The following ZNF407 variants were observed in gnomAD, a reference collection of about 807,000 sequenced individuals.
The protein encoded by ZNF407 is zinc finger protein 407.
A neutral mutation model predicts 131.2 loss-of-function variants in ZNF407; 17 were observed. That is an observed-to-expected ratio of 0.13 (90% CI 0.09 to 0.19). ZNF407 has a LOEUF of 0.19. Among genes scored for constraint, ZNF407 ranks in the 10% least tolerant of loss-of-function variants. ZNF407 has a pLI of 1.00. For missense variants in ZNF407, 2,681 were observed against 2,830.6 expected, an observed-to-expected ratio of 0.95 and a Z score of 1.20; for synonymous variants, 1,156 against 1,062.0, an observed-to-expected ratio of 1.09 and a Z score of -1.72.
At chr18:74,646,378 A>AT (rs1371495467) in intron 3 of ZNF407, among the ~76,000 whole-genome samples, 1 of 152,252 alleles carries the variant, frequency 6.6e-6, no homozygotes, top group Non-Finnish European at 1.5e-5. Context: ...AATTATGCTT[A>AT]TAACAGTATA....
intron 3 of ZNF407, among the ~76,000 whole-genome samples, chr18:74,712,342 A>G (rs7241270): frequency 0.78 from 118,050 of 152,208 alleles, 46,086 homozygotes; most frequent in East Asian, 0.89. Flanking sequence ...CAATATGTGT[A>G]TATGTGCTTA....
intron 4 of ZNF407, among the ~76,000 whole-genome samples, chr18:74,802,992 T>C (rs1315855074): frequency 1.3e-5 from 2 of 152,092 alleles, no homozygotes; most frequent in Non-Finnish European, 2.9e-5. Context: ...CCATATAGAA[T>C]TCAAAAGTTA....
chr18:74,686,067 G>A (rs565387374), intron 3 of ZNF407, among the ~76,000 whole-genome samples: 35 of 152,294 alleles, frequency 2.3e-4, no homozygotes, highest in Non-Finnish European at 3.5e-4. Context: ...TTACATATAG[G>A]TATGGCTTCC....
chr18:74,797,754 C>G (rs889606670), intron 4 of ZNF407, among the ~76,000 whole-genome samples: 5 of 151,784 alleles, frequency 3.3e-5, no homozygotes, highest in African/African-American at 1.2e-4. Context: ...CTGAAAAGCC[C>G]AGGCTGCTAT....
intron 8 of ZNF407, among the ~76,000 whole-genome samples, chr18:74,940,994 C>A (rs549634313): frequency 6.6e-6 from 1 of 152,156 alleles, no homozygotes; most frequent in Non-Finnish European, 1.5e-5. Flanking sequence ...CAGACATCCC[C>A]TTTGTTAGCT....
At chr18:74,967,075 A>G (rs1171121024) in intron 8 of ZNF407, among the ~76,000 whole-genome samples, 1 of 152,184 alleles carries the variant, frequency 6.6e-6, no homozygotes, top group Non-Finnish European at 1.5e-5. Context: ...AGCCTGGGCA[A>G]CATAGGGAAA....
chr18:74,687,680 T>C (rs1052061877), intron 3 of ZNF407, among the ~76,000 whole-genome samples: 12 of 152,206 alleles, frequency 7.9e-5, no homozygotes, highest in African/African-American at 2.9e-4. Context: ...AAATTAGTGC[T>C]AATGGTCAGC....
At chr18:74,979,065 A>C (rs1972558881) in intron 8 of ZNF407, among the ~76,000 whole-genome samples, 1 of 152,116 alleles carries the variant, frequency 6.6e-6, no homozygotes, top group Non-Finnish European at 1.5e-5. Flanking sequence ...ACTGCTTTTG[A>C]ACCTTCTCCA....
At chr18:74,772,677 A>G (rs1969386087) in intron 3 of ZNF407, among the ~76,000 whole-genome samples, 1 of 152,140 alleles carries the variant, frequency 6.6e-6, no homozygotes, top group South Asian at 2.1e-4. Context: ...ACTGTTGAAG[A>G]CTATTATTTG....
chr18:74,901,820 T>G (rs1473922106), intron 7 of ZNF407, among the ~76,000 whole-genome samples: 3 of 152,346 alleles, frequency 2.0e-5, no homozygotes, highest in Non-Finnish European at 2.9e-5. Context: ...TATTATTACC[T>G]TCCTTGCATC....
chr18:74,709,358 A>G (rs1405819987), intron 3 of ZNF407, among the ~76,000 whole-genome samples: 1 of 152,202 alleles, frequency 6.6e-6, no homozygotes, highest in African/African-American at 2.4e-5. Flanking sequence ...TTAAAAATCC[A>G]TAATGTATCT....
intron 4 of ZNF407, among the ~76,000 whole-genome samples, chr18:74,857,740 C>T (rs1458695111): frequency 6.6e-6 from 1 of 151,992 alleles, no homozygotes; most frequent in Non-Finnish European, 1.5e-5. Flanking sequence ...TAATGAAGTA[C>T]TGAGTACTTG....
At chr18:75,024,288 T>TA (rs1973145999) in intron 8 of ZNF407, among the ~76,000 whole-genome samples, 1 of 152,214 alleles carries the variant, frequency 6.6e-6, no homozygotes, top group East Asian at 1.9e-4. Context: ...CTGATTAACT[T>TA]ACTCGCAGAT....
At chr18:75,012,129 G>A (rs1347969578) in intron 8 of ZNF407, among the ~76,000 whole-genome samples, 1 of 152,152 alleles carries the variant, frequency 6.6e-6, no homozygotes, top group Non-Finnish European at 1.5e-5. Flanking sequence ...CAGTTGAGCT[G>A]TCACATTGTA....
At chr18:74,690,422 C>A (rs1967192973) in intron 3 of ZNF407, among the ~76,000 whole-genome samples, 1 of 149,624 alleles carries the variant, frequency 6.7e-6, no homozygotes, top group Admixed American at 6.8e-5. Context: ...TGTCATCCAG[C>A]TGGATTAGTT....
chr18:74,899,266 G>A (rs553596972), intron 7 of ZNF407, among the ~76,000 whole-genome samples: 28 of 152,328 alleles, frequency 1.8e-4, no homozygotes, highest in African/African-American at 6.7e-4. Flanking sequence ...CCATTTAAAA[G>A]ACAATTGCAA....
rs781731005 is a variant in ZNF407, at chr18:74,634,875, G to A, written c.3856G>A (p.Ala1286Thr). Reference protein sequence around the residue: ...NLESGGQNRVARGHGLEDLKG... With the variant: ...NLESGGQNRVTRGHGLEDLKG... Reference sequence around the variant, plus strand: ...GGAGAGCGGGGGTCAGAACAGAGTTGCACGTGGGCATGGTTTGGAAGACTT... The same window carrying A: ...GGAGAGCGGGGGTCAGAACAGAGTTACACGTGGGCATGGTTTGGAAGACTT... The change falls in exon 2 of 9, where the codon GCA (alanine) becomes ACA (threonine). Residue 1286 changes from alanine to threonine, a missense_variant. By Grantham distance (58) the Ala-to-Thr change is moderately conservative (BLOSUM62 0). Around this residue, in one of 6 missense-constraint regions of ZNF407, gnomAD observed 1,789 missense variants for 1,748.7 expected, o/e 1.02. Transcript: ENST00000299687. 6.2e-7 allele frequency: 1 copy of A among 1,613,548 alleles called. No homozygotes were observed. The highest frequency in any genetic ancestry group is 1.1e-5 in the South Asian group (1 of 91,034).
At chr18:74,697,085 C>G (rs1220576306) in intron 3 of ZNF407, among the ~76,000 whole-genome samples, 4 of 152,172 alleles carry the variant, frequency 2.6e-5, no homozygotes, top group Admixed American at 2.6e-4. Context: ...GGCAGCTAAA[C>G]AGTAGAGCCA....
At chr18:74,987,726 A>G (rs1381499596) in intron 8 of ZNF407, among the ~76,000 whole-genome samples, 1 of 152,228 alleles carries the variant, frequency 6.6e-6, no homozygotes, top group African/African-American at 2.4e-5. Flanking sequence ...ATAATGTTCA[A>G]ATACTTAGGG....
Sources: allele counts gnomAD v4.1 joint callset (sites outside exome capture counted in the v4.1 genomes callset), GRCh38; gene constraint gnomAD v4.1.1; regional missense constraint gnomAD v4.1.1; transcripts MANE v1.5; gene names NCBI Gene and HGNC (gene_info 2026-07-23, HGNC 2026-07-21).